The following DCC variants were observed in gnomAD, a reference collection of about 807,000 sequenced individuals.
DCC encodes DCC netrin 1 receptor.
Under a neutral mutation model 172.5 loss-of-function variants are expected in DCC, and 58 were observed. That is an observed-to-expected ratio of 0.34 (90% CI 0.27 to 0.42). The LOEUF is 0.42. Ranked by LOEUF, DCC falls within the 10% of genes least tolerant of loss-of-function variation. The pLI is 1.00. For synonymous variants in DCC, 709 were observed against 644.5 expected, an observed-to-expected ratio of 1.10 and a Z score of -1.52; for missense variants, 1,740 against 1,791.0, an observed-to-expected ratio of 0.97 and a Z score of 0.51.
intron 2 of DCC, among the ~76,000 whole-genome samples, chr18:52,796,668 T>G (rs1029155565): frequency 3.3e-5 from 5 of 152,184 alleles, no homozygotes; most frequent in African/African-American, 9.6e-5. Flanking sequence ...CTGCATGATT[T>G]CTGCTGAGAA....
At chr18:52,956,908 G>T (rs1299589303) in intron 5 of DCC, among the ~76,000 whole-genome samples, 2 of 152,090 alleles carry the variant, frequency 1.3e-5, no homozygotes, top group African/African-American at 2.4e-5. Context: ...CAATGAAACA[G>T]GCAGGTACAC....
At chr18:52,378,023 T>C (rs947809424) in intron 1 of DCC, among the ~76,000 whole-genome samples, 1 of 152,040 alleles carries the variant, frequency 6.6e-6, no homozygotes, top group Non-Finnish European at 1.5e-5. Context: ...TTTTTCTTTT[T>C]TCCCTTGGTT....
chr18:52,540,577 C>T (rs79824637), intron 1 of DCC, among the ~76,000 whole-genome samples: 1 of 136,700 alleles, frequency 7.3e-6, no homozygotes, highest in African/African-American at 2.7e-5. Flanking sequence ...TATTCACTAC[C>T]GTTAGGTGTA....
At chr18:53,456,996 A>G (rs2045491184) in intron 23 of DCC, among the ~76,000 whole-genome samples, 1 of 152,244 alleles carries the variant, frequency 6.6e-6, no homozygotes, top group African/African-American at 2.4e-5. Context: ...TTTCTCCTTT[A>G]ATAAGAGATA....
chr18:53,181,569 G>A (rs2055197523), intron 9 of DCC, among the ~76,000 whole-genome samples: 1 of 151,844 alleles, frequency 6.6e-6, no homozygotes. Flanking sequence ...ATATAATTAA[G>A]TTAAAAAGAA....
At chr18:52,650,614 T>C (rs2035113520) in intron 1 of DCC, among the ~76,000 whole-genome samples, 1 of 152,218 alleles carries the variant, frequency 6.6e-6, no homozygotes, top group African/African-American at 2.4e-5. Flanking sequence ...TGGTATAAGA[T>C]GATATCTCAT....
rs749154608 is a variant in DCC, at chr18:53,272,667, C to T, written c.1912-32911C>T. Among the ~76,000 whole-genome samples, 81 of 152,014 alleles carry T rather than the reference C, an allele frequency of 5.3e-4. 1 individual carries two copies. Among genetic ancestry groups the T allele is most frequent in the Non-Finnish European group, 8.8e-4 (60 of 67,990 alleles). On this transcript the variant is annotated intron_variant, in intron 12 of 28. Coordinates refer to ENST00000442544, the MANE Select transcript of DCC (RefSeq NM_005215.4). ...TTATTTGTTGAGTGTCTACTCTGGA[C>T]CACACAGAGTTGTAAGCATTGCAAT...
intron 1 of DCC, among the ~76,000 whole-genome samples, chr18:52,644,729 T>G: frequency 7.1e-6 from 1 of 139,870 alleles, no homozygotes; most frequent in South Asian, 2.2e-4. Context: ...TGTGACAGAG[T>G]GAGATCCCAT....
At chr18:53,321,994 G>A (rs1599023230) in intron 13 of DCC, 53 bp from the exon 14 acceptor site, 1 of 954,064 alleles carries the variant, frequency 1.0e-6, no homozygotes, top group Admixed American at 1.7e-5. Context: ...ACCCAGGTAG[G>A]AATACTTGGT....
intron 1 of DCC, among the ~76,000 whole-genome samples, chr18:52,523,160 C>T (rs2031871985): frequency 6.6e-6 from 1 of 152,118 alleles, no homozygotes; most frequent in South Asian, 2.1e-4. Flanking sequence ...GTGTACTGGG[C>T]CTTAGTTTCT....
chr18:53,450,644 C>T lies in DCC; in HGVS notation c.3374C>T (p.Ser1125Phe). The T allele has an allele frequency of 1.2e-6, 2 of 1,613,736 alleles. No homozygotes were observed. The highest frequency in any genetic ancestry group is 2.7e-5 in the African/African-American group (2 of 75,018). The change falls in exon 23 of 29, where the codon TCT becomes TTT. Residue 1125 changes from serine to phenylalanine, a missense_variant. Around this residue, in one of 2 missense-constraint regions of DCC, gnomAD observed 1,732 missense variants for 1,767.4 expected, o/e 0.98. Coordinates refer to ENST00000442544, the MANE Select transcript of DCC (RefSeq NM_005215.4). ...GTGGCTGTGATTTGCACCCGACGCT[C>T]TTCAGCCCAGCAGAGAAAGTAGGTA... ...VIVAVICTRRSSAQQRKKRAT... is the reference protein window; with the variant it reads ...VIVAVICTRRFSAQQRKKRAT...
chr18:53,303,838 T>TC (rs2057168842), intron 12 of DCC, among the ~76,000 whole-genome samples: 1 of 152,194 alleles, frequency 6.6e-6, no homozygotes, highest in African/African-American at 2.4e-5. Flanking sequence ...CCTGGGTTCT[T>TC]GTCCAGCATC....
intron 1 of DCC, among the ~76,000 whole-genome samples, chr18:52,445,391 C>A (rs1449931621): frequency 1.3e-5 from 2 of 151,552 alleles, no homozygotes; most frequent in Non-Finnish European, 2.9e-5. Context: ...CCTGCAGCTG[C>A]ACTTATTTAC....
chr18:53,090,041 C>T (rs560616386), intron 7 of DCC, among the ~76,000 whole-genome samples: 1 of 152,276 alleles, frequency 6.6e-6, no homozygotes, highest in Non-Finnish European at 1.5e-5. Flanking sequence ...ATTTGGCACA[C>T]TATTTTGTCC....
At chr18:53,213,322 A>G (rs2055787273) in intron 11 of DCC, among the ~76,000 whole-genome samples, 1 of 152,198 alleles carries the variant, frequency 6.6e-6, no homozygotes, top group Non-Finnish European at 1.5e-5. Flanking sequence ...GTATTACAAC[A>G]TTAAATATAA....
chr18:53,182,187 A>C (rs139707521), intron 9 of DCC, among the ~76,000 whole-genome samples: 1 of 152,226 alleles, frequency 6.6e-6, no homozygotes, highest in African/African-American at 2.4e-5. Context: ...TATAAATTCT[A>C]TTCTCTAAGA....
At chr18:52,599,671 G>A (rs953216115) in intron 1 of DCC, among the ~76,000 whole-genome samples, 2 of 151,894 alleles carry the variant, frequency 1.3e-5, no homozygotes, top group African/African-American at 2.4e-5. Flanking sequence ...CTGCTACCAC[G>A]CCTGACTAAT....
At chr18:52,883,982 A>G (rs1472886287) in intron 2 of DCC, among the ~76,000 whole-genome samples, 1 of 151,686 alleles carries the variant, frequency 6.6e-6, no homozygotes, top group Non-Finnish European at 1.5e-5. Context: ...ATATCATTCT[A>G]GGGTAAAAGT....
chr18:53,194,104 G>A (rs1168260502), intron 9 of DCC, among the ~76,000 whole-genome samples: 1 of 152,124 alleles, frequency 6.6e-6, no homozygotes, highest in Non-Finnish European at 1.5e-5. Flanking sequence ...TCTGAGTTGT[G>A]CATAAGCTGA....
Sources: gnomAD v4.1 joint callset for allele counts (sites outside exome capture counted in the v4.1 genomes callset) on GRCh38, gnomAD v4.1.1 for gene constraint, gnomAD v4.1.1 regional missense constraint, MANE v1.5 for transcripts, NCBI Gene and HGNC (gene_info 2026-07-23, HGNC 2026-07-21) for gene names.